SNX29: variants seen among roughly 807,000 people sequenced by gnomAD.
SNX29 encodes sorting nexin 29.
In SNX29, 78 loss-of-function variants were observed where a neutral mutation model predicts 102.1. That is an observed-to-expected ratio of 0.76 (90% CI 0.64 to 0.92). The LOEUF is 0.92. Ranked by LOEUF, SNX29 falls within the 40% of genes least tolerant of loss-of-function variation. The pLI is 0.00. For synonymous variants in SNX29, 580 were observed against 414.5 expected, an observed-to-expected ratio of 1.40 and a Z score of -4.85; for missense variants, 1,280 against 1,061.7, an observed-to-expected ratio of 1.21 and a Z score of -2.86.
At position 12,573,909 on chromosome 16, in the gene SNX29, T is replaced by C. The variant is rs2079238277; in HGVS notation, c.*5280T>C. 4.9e-6 allele frequency: 1 copy of C among 203,898 alleles called. No individual in the cohort carries two copies. Among genetic ancestry groups the C allele is most frequent in the East Asian group, 7.5e-5 (1 of 13,372 alleles). The allele number at this position is 203,898 out of a possible 1,614,324, so 12.6% of individuals were successfully genotyped here. On this transcript the variant is annotated 3_prime_UTR_variant, in exon 21 of 21. Transcript: ENST00000566228. ...CCGTCAGGTAGAACGCTTACTCACC[T>C]GACACCGACTTCTTAGAGAAGCGAG... is the stretch of plus-strand genomic sequence containing the variant.
chr16:12,538,400 C>G (rs939379351), intron 20 of SNX29, among the ~76,000 whole-genome samples: 8 of 152,150 alleles, frequency 5.3e-5, no homozygotes, highest in African/African-American at 1.2e-4. Context: ...TCCCCTTGCA[C>G]TTTTAAAATG....
At chr16:12,426,035 A>G (rs1018327677) in intron 18 of SNX29, among the ~76,000 whole-genome samples, 1 of 151,906 alleles carries the variant, frequency 6.6e-6, no homozygotes, top group Non-Finnish European at 1.5e-5. Context: ...TTATAGGAGT[A>G]CTAAAGGCTT....
At chr16:12,247,146 C>T (rs768742249) in intron 14 of SNX29, among the ~76,000 whole-genome samples, 7 of 152,132 alleles carry the variant, frequency 4.6e-5, no homozygotes, top group African/African-American at 7.2e-5. Context: ...CTTCCCTATA[C>T]GACGGGGAGA....
At chr16:12,364,408 CTCT>C (rs1377771431) in intron 16 of SNX29, among the ~76,000 whole-genome samples, 4 of 118,324 alleles carry the variant, frequency 3.4e-5, no homozygotes, top group South Asian at 2.4e-4. Context: ...GAATTTTTCT[CTCT>C]TCTTCTTTTT....
At chr16:12,561,547 T>C (rs895681240) in intron 20 of SNX29, among the ~76,000 whole-genome samples, 1 of 152,118 alleles carries the variant, frequency 6.6e-6, no homozygotes, top group Non-Finnish European at 1.5e-5. Context: ...GCAGCCATTT[T>C]CACTGATGAG....
chr16:12,136,502 G>A lies in SNX29; in HGVS notation c.1595+6744G>A, dbSNP rs1433053963. Among the ~76,000 whole-genome samples the A allele has an allele frequency of 2.0e-5, 3 of 152,172 alleles. No homozygotes were observed. In the East Asian group the frequency reaches 5.8e-4, roughly 29 times the overall value. On this transcript the variant is annotated intron_variant, in intron 13 of 20. Transcript: ENST00000566228. ...GGGGATTTTTTTCTTGCAGTAGCTG[G>A]GAAATCCAAGGACAGGTCACTTTCT...
intron 20 of SNX29, among the ~76,000 whole-genome samples, chr16:12,530,309 G>C (rs1366392160): frequency 1.3e-5 from 2 of 152,296 alleles, no homozygotes; most frequent in East Asian, 3.9e-4. Flanking sequence ...TGTACCAACA[G>C]ACAGGGAGCC....
At chr16:12,042,649 A>T (rs1342525385) in intron 4 of SNX29, among the ~76,000 whole-genome samples, 2 of 152,174 alleles carry the variant, frequency 1.3e-5, no homozygotes, top group Admixed American at 6.5e-5. Context: ...GCTGCATAGG[A>T]CACAATTTTG....
chr16:12,438,663 G>A (rs2085651111), intron 18 of SNX29, among the ~76,000 whole-genome samples: 1 of 152,246 alleles, frequency 6.6e-6, no homozygotes, highest in Non-Finnish European at 1.5e-5. Flanking sequence ...CTTCAGCTCA[G>A]AGGTAAGAGC....
At position 12,134,315 on chromosome 16, in the gene SNX29, A is replaced by T. The variant is rs534403380; in HGVS notation, c.1595+4557A>T. On this transcript the variant is annotated intron_variant, in intron 13 of 20. Transcript: ENST00000566228. Reference sequence around the variant, plus strand: ...CAAACTTGGTTGCTGAGAACAACAAATATTTATGATTCCCCACAATTTCTG... The same window carrying T: ...CAAACTTGGTTGCTGAGAACAACAATTATTTATGATTCCCCACAATTTCTG... Among the ~76,000 whole-genome samples the T allele has an allele frequency of 4.1e-4, 63 of 152,240 alleles. 1 individual carries two copies. The highest frequency in any genetic ancestry group is 1.5e-4 in the Non-Finnish European group (10 of 68,040).
intron 12 of SNX29, among the ~76,000 whole-genome samples, chr16:12,128,144 C>G (rs78319512): frequency 6.6e-6 from 1 of 152,342 alleles, no homozygotes; most frequent in East Asian, 1.9e-4. Context: ...TTAGACCGCA[C>G]CATTTTCCAA....
At chr16:12,010,675 T>C (rs757259656) in intron 3 of SNX29, among the ~76,000 whole-genome samples, 1 of 151,864 alleles carries the variant, frequency 6.6e-6, no homozygotes, top group Admixed American at 6.6e-5. Context: ...AACTTTCAGG[T>C]GACTGTCAGA....
intron 1 of SNX29, among the ~76,000 whole-genome samples, chr16:11,981,230 A>T (rs1454827296): frequency 6.6e-6 from 1 of 152,028 alleles, no homozygotes; most frequent in East Asian, 1.9e-4. Context: ...TCAGCCTCCC[A>T]AAGTGCTGGG....
At chr16:12,291,446 C>T (rs1215782328) in intron 15 of SNX29, among the ~76,000 whole-genome samples, 1 of 152,180 alleles carries the variant, frequency 6.6e-6, no homozygotes, top group Non-Finnish European at 1.5e-5. Flanking sequence ...AGTTACCTCC[C>T]ACTGGGTCTC....
chr16:12,345,674 T>A (rs2081776911), intron 15 of SNX29, among the ~76,000 whole-genome samples: 1 of 152,140 alleles, frequency 6.6e-6, no homozygotes, highest in Non-Finnish European at 1.5e-5. Flanking sequence ...GGCAAGGAGA[T>A]CAACTGAGAT....
chr16:12,445,543 G>A (rs2086011858), intron 18 of SNX29, among the ~76,000 whole-genome samples: 1 of 152,210 alleles, frequency 6.6e-6, no homozygotes, highest in Non-Finnish European at 1.5e-5. Flanking sequence ...AGTGATAGAT[G>A]ACTGGCTGGC....
At chr16:12,335,345 A>G in intron 15 of SNX29, among the ~76,000 whole-genome samples, 1 of 152,108 alleles carries the variant, frequency 6.6e-6, no homozygotes, top group Admixed American at 6.5e-5. Flanking sequence ...CATCAAGCAA[A>G]AAAAGCTCAA....
At chr16:12,106,661 G>A (rs147742735) in intron 11 of SNX29, among the ~76,000 whole-genome samples, 1 of 118,764 alleles carries the variant, frequency 8.4e-6, no homozygotes, top group Non-Finnish European at 1.8e-5. Flanking sequence ...TTTTTTTTTT[G>A]GTAGAGACAG....
chr16:12,118,199 C>T (rs2053815852), intron 11 of SNX29, among the ~76,000 whole-genome samples: 1 of 152,060 alleles, frequency 6.6e-6, no homozygotes, highest in Non-Finnish European at 1.5e-5. Context: ...GCTTCTACTG[C>T]TGGAAGCAAC....
Sources: allele counts gnomAD v4.1 joint callset (sites outside exome capture counted in the v4.1 genomes callset), GRCh38; gene constraint gnomAD v4.1.1; transcripts MANE v1.5; gene names NCBI Gene and HGNC (gene_info 2026-07-23, HGNC 2026-07-21).